The following SNCAIP variants were observed in gnomAD, a reference collection of about 807,000 sequenced individuals.
The protein encoded by SNCAIP is synuclein alpha interacting protein, also known as synphilin-1.
In SNCAIP, 43 loss-of-function variants were observed where a neutral mutation model predicts 86.7. That is an observed-to-expected ratio of 0.50 (90% CI 0.39 to 0.64). The LOEUF is 0.64. Ranked by LOEUF, SNCAIP falls within the 30% of genes least tolerant of loss-of-function variation. The pLI is 0.00. For missense variants in SNCAIP, 981 were observed against 1,103.1 expected, an observed-to-expected ratio of 0.89 and a Z score of 1.57; for synonymous variants, 417 against 427.2, an observed-to-expected ratio of 0.98 and a Z score of 0.29.
At chr5:122,452,718 A>G (rs766377303) in intron 10 of SNCAIP, among the ~76,000 whole-genome samples, 1 of 152,224 alleles carries the variant, frequency 6.6e-6, no homozygotes, top group Non-Finnish European at 1.5e-5. Context: ...TAAGTCACTC[A>G]GATCAAACTT....
chr5:122,439,741 A>G (rs1172880256), intron 6 of SNCAIP, among the ~76,000 whole-genome samples: 1 of 152,128 alleles, frequency 6.6e-6, no homozygotes, highest in Non-Finnish European at 1.5e-5. Flanking sequence ...GTCAAATTCC[A>G]CCCACTAAAC....
Position 122,449,940 on chromosome 5 carries a change from A to G in SNCAIP, c.1685+3A>G. The G allele has an allele frequency of 6.3e-7, 1 of 1,590,698 alleles. No individual in the cohort carries two copies. The highest frequency in any genetic ancestry group is 1.1e-5 in the South Asian group (1 of 90,606). On this transcript the variant is annotated splice_donor_region_variant and intron_variant, in intron 9 of 10. Coordinates refer to ENST00000261368, the MANE Select transcript of SNCAIP (RefSeq NM_005460.4). ...AAGTCACTCCCTTCTTCACCCAGGT[A>G]ATACCAGCACATTGTTGTTTAGCAT...
intron 5 of SNCAIP, among the ~76,000 whole-genome samples, chr5:122,426,027 A>G (rs1288090162): frequency 6.6e-6 from 1 of 152,236 alleles, no homozygotes; most frequent in Non-Finnish European, 1.5e-5. Flanking sequence ...TAGCTCTTGC[A>G]GAGCACAGTA....
At chr5:122,370,167 A>G (rs933539444) in intron 1 of SNCAIP, among the ~76,000 whole-genome samples, 2 of 152,140 alleles carry the variant, frequency 1.3e-5, no homozygotes, top group Non-Finnish European at 1.5e-5. Context: ...GTATCAAAAT[A>G]TTACGTTTCC....
intron 2 of SNCAIP, chr5:122,400,921 T>C: frequency 7.0e-7 from 1 of 1,431,596 alleles, no homozygotes; most frequent in Non-Finnish European, 9.3e-7. Context: ...GAATAAATTA[T>C]AGAGATAGAA....
chr5:122,348,482 T>C (rs752400104), intron 1 of SNCAIP, among the ~76,000 whole-genome samples: 12 of 152,124 alleles, frequency 7.9e-5, no homozygotes, highest in Non-Finnish European at 1.8e-4. Flanking sequence ...AAAAGTAGTC[T>C]TCTAAAACCC....
At position 122,416,422 on chromosome 5, in the gene SNCAIP, G is replaced by A. The variant is rs913670849; in HGVS notation, c.131-6446G>A. On this transcript the variant is annotated intron_variant, in intron 3 of 10. Coordinates refer to ENST00000261368, the MANE Select transcript of SNCAIP (RefSeq NM_005460.4). ...CCTCAGCCTCACATTACCCTTACTA[G>A]AGGGTCTGTAGCATCATTGAAAAGG... Among the ~76,000 whole-genome samples the A allele has an allele frequency of 2.6e-5, 4 of 152,276 alleles. No homozygotes were observed. In the East Asian group the frequency reaches 5.8e-4, roughly 22 times the overall value.
intron 3 of SNCAIP, among the ~76,000 whole-genome samples, chr5:122,414,290 G>A (rs1774810141): frequency 6.6e-6 from 1 of 151,250 alleles, no homozygotes; most frequent in Non-Finnish European, 1.5e-5. Flanking sequence ...GAGTGCAATG[G>A]CACAATCTCA....
At chr5:122,390,100 A>G (rs1769032381) in intron 1 of SNCAIP, among the ~76,000 whole-genome samples, 2 of 152,292 alleles carry the variant, frequency 1.3e-5, no homozygotes, top group African/African-American at 2.4e-5. Context: ...AGCAAGGTAC[A>G]TCTTGATTAG....
intron 1 of SNCAIP, among the ~76,000 whole-genome samples, chr5:122,384,052 G>A (rs1444065979): frequency 6.6e-6 from 1 of 152,152 alleles, no homozygotes; most frequent in African/African-American, 2.4e-5. Context: ...AGGAAAGAAG[G>A]GTAATTCATT....
At chr5:122,357,022 C>G (rs796101726) in intron 1 of SNCAIP, among the ~76,000 whole-genome samples, 3 of 152,196 alleles carry the variant, frequency 2.0e-5, no homozygotes, top group Non-Finnish European at 2.9e-5. Flanking sequence ...CCATAAAGCC[C>G]TGCATATTTG....
chr5:122,426,034 A>C (rs1486199637), intron 5 of SNCAIP, among the ~76,000 whole-genome samples: 2 of 152,244 alleles, frequency 1.3e-5, no homozygotes, highest in African/African-American at 4.8e-5. Context: ...TGCAGAGCAC[A>C]GTACGCTACC....
At chr5:122,434,378 A>G (rs1778978983) in intron 6 of SNCAIP, among the ~76,000 whole-genome samples, 1 of 152,156 alleles carries the variant, frequency 6.6e-6, no homozygotes, top group Admixed American at 6.5e-5. Context: ...TATATGTGCC[A>G]GTTTCTTTAT....
At chr5:122,461,391 T>A (rs1355490479) in intron 10 of SNCAIP, among the ~76,000 whole-genome samples, 1 of 152,160 alleles carries the variant, frequency 6.6e-6, no homozygotes, top group East Asian at 1.9e-4. Context: ...CTGGGAAATG[T>A]TTTGTACAAT....
chr5:122,326,606 CTTTTTTTTTT>C (rs11297385), intron 1 of SNCAIP, among the ~76,000 whole-genome samples: 5 of 42,108 alleles, frequency 1.2e-4, no homozygotes, highest in South Asian at 1.2e-3. Context: ...GAAATGTCTC[CTTTTTTTTTT>C]TTTTTTTTTT....
At chr5:122,451,891 G>A (rs1783768647) in intron 10 of SNCAIP, 1 of 333,662 alleles carries the variant, frequency 3.0e-6, no homozygotes, top group Non-Finnish European at 5.5e-6. Context: ...TAGGTGTTAG[G>A]GTCCTAGACT....
At chr5:122,322,483 A>G (rs1312329900) in intron 1 of SNCAIP, among the ~76,000 whole-genome samples, 1 of 152,216 alleles carries the variant, frequency 6.6e-6, no homozygotes, top group African/African-American at 2.4e-5. Context: ...GGCCCACTTA[A>G]AGAGTACATT....
intron 10 of SNCAIP, among the ~76,000 whole-genome samples, chr5:122,455,673 T>C (rs1446653422): frequency 7.4e-6 from 1 of 134,330 alleles, no homozygotes; most frequent in African/African-American, 3.5e-5. Flanking sequence ...GAAATTGTTA[T>C]TTTTTTCTGA....
intron 1 of SNCAIP, chr5:122,389,941 A>C (rs901960003): frequency 6.6e-6 from 1 of 152,176 alleles, no homozygotes; most frequent in Non-Finnish European, 1.5e-5. Flanking sequence ...AAAAGAAAGA[A>C]TGGCTCAACA....
Sources: allele counts gnomAD v4.1 joint callset (sites outside exome capture counted in the v4.1 genomes callset), GRCh38; gene constraint gnomAD v4.1.1; transcripts MANE v1.5; gene names NCBI Gene and HGNC (gene_info 2026-07-23, HGNC 2026-07-21).